ATOH8: variants seen among roughly 807,000 people sequenced by gnomAD.
ATOH8 encodes the protein transcription factor ATOH8.
In ATOH8, 9 loss-of-function variants were observed where a neutral mutation model predicts 21.2. The ratio of observed to expected loss-of-function variants is 0.42; its 90% CI spans 0.26 to 0.74. The LOEUF (loss-of-function observed/expected upper bound fraction) is 0.74, where lower values mean the gene tolerates loss of function less well. Ranked by LOEUF, ATOH8 falls within the 30% of genes least tolerant of loss-of-function variation. The probability of loss-of-function intolerance (pLI) is 0.24; values close to 1 mark genes in which losing one functional copy is unlikely to be tolerated. For synonymous variants in ATOH8, 253 were observed against 224.0 expected (o/e 1.13, Z -1.16); for missense variants, 524 against 470.9 (o/e 1.11, Z -1.04).
At position 85,754,606 on chromosome 2, in the gene ATOH8, C is replaced by A; in HGVS notation, c.417C>A (p.Gly139=). The A allele has an allele frequency of 6.7e-7, 1 of 1,486,356 alleles. No homozygotes were observed. Among genetic ancestry groups the A allele is most frequent in the Non-Finnish European group, 8.9e-7 (1 of 1,125,716 alleles). The allele number at this position is 1,486,356 out of a possible 1,614,324, so 92.1% of individuals were successfully genotyped here. A position where few individuals can be genotyped will look rare whatever the true frequency, so the allele number is the denominator to read the frequency against. Residue 139 remains glycine, a synonymous_variant, in exon 1 of 3, where the codon GGC becomes GGA. Transcript: ENST00000306279. ...PPAPQSQAPG[G]PEAQPFREPG... is the part of the protein sequence containing the mutation. ...CGCCCCAGAGCCAGGCACCTGGGGG[C>A]CCAGAGGCACAGCCTTTCCGGGAGC...
Position 85,787,237 on chromosome 2 carries a change from G to A in ATOH8, c.*347G>A, listed in dbSNP as rs1246657237. The stretch of plus-strand genomic sequence containing the variant: ...AAATGGGGTGGTGAAACCCCACAGC[G>A]AAAAGCCACACCGTTGCTCTGTGAC... On this transcript the variant is annotated 3_prime_UTR_variant, in exon 3 of 3. Coordinates refer to ENST00000306279, the MANE Select transcript of ATOH8 (RefSeq NM_032827.7). 3.3e-5 allele frequency: 11 copies of A among 337,582 alleles called. 1 individual carries two copies. The highest frequency in any genetic ancestry group is 6.8e-4 in the Middle Eastern group (2 of 2,924). 20.9% of individuals were successfully genotyped at this position (337,582 alleles called of 1,614,324 possible). A position where few individuals can be genotyped will look rare whatever the true frequency, so the allele number is the denominator to read the frequency against.
intron 2 of ATOH8, among the ~76,000 whole-genome samples, chr2:85,767,580 T>TCCCCTCCCCTCACCTCC (rs1680052547): frequency 1.3e-5 from 1 of 79,234 alleles, no homozygotes. Context: ...CCCTCCCCTC[T>TCCCCTCCCCTCACCTCC]CCTTCCCTTC....
intron 2 of ATOH8, among the ~76,000 whole-genome samples, chr2:85,767,562 T>TTCCCCTCCCCTTCCC (rs1558611921): frequency 1.5e-4 from 3 of 20,538 alleles, no homozygotes; most frequent in Non-Finnish European, 2.0e-4. Context: ...GTATTCCCTC[T>TTCCCCTCCCCTTCCC]TCCCCTCCCC....
chr2:85,791,077 C>A lies in ATOH8; in HGVS notation c.*4187C>A, dbSNP rs1190642916. On this transcript the variant is annotated 3_prime_UTR_variant, in exon 3 of 3. Coordinates refer to ENST00000306279, the MANE Select transcript of ATOH8 (RefSeq NM_032827.7). ...CACAGGGTCCCTGCTTTGTGAGGAG[C>A]AGCTGGCTTCTCCCTTTGCCCCCAG... Among the ~76,000 whole-genome samples, 2 of 152,202 alleles carry A rather than the reference C, an allele frequency of 1.3e-5. No individual in the cohort carries two copies. Among genetic ancestry groups the A allele is most frequent in the Admixed American group, 6.5e-5 (1 of 15,286 alleles).
intron 1 of ATOH8, among the ~76,000 whole-genome samples, chr2:85,758,404 G>A (rs1034435395): frequency 3.9e-5 from 6 of 152,190 alleles, no homozygotes; most frequent in African/African-American, 1.2e-4. Context: ...ACCTTGGCAC[G>A]CAGTTTGCCA....
intron 1 of ATOH8, among the ~76,000 whole-genome samples, chr2:85,758,007 G>T (rs1480187956): frequency 1.3e-5 from 2 of 151,952 alleles, no homozygotes; most frequent in South Asian, 4.2e-4. Flanking sequence ...GGCTGGCCTC[G>T]AACTCCTGGG....
In ATOH8 at chr2:85,756,202, C is replaced by T. The variant is rs551947804; in HGVS notation, c.768+1245C>T. ...GTGGGGTGGGGGTGGGGGTGGGGGACGGGTGGCTGTCACAGACCAGGCTGG... is the reference window on the plus strand; with the variant it reads ...GTGGGGTGGGGGTGGGGGTGGGGGATGGGTGGCTGTCACAGACCAGGCTGG... On this transcript the variant is annotated intron_variant, in intron 1 of 2. Transcript: ENST00000306279. Among the ~76,000 whole-genome samples the T allele has an allele frequency of 8.7e-3, 1,245 of 143,354 alleles. 9 individuals are homozygous for T. Among genetic ancestry groups the T allele is most frequent in the Non-Finnish European group, 0.014 (934 of 65,876 alleles). 94.0% of individuals were successfully genotyped at this position (143,354 alleles called of 152,430 possible). A position where few individuals can be genotyped will look rare whatever the true frequency, so the allele number is the denominator to read the frequency against.
chr2:85,778,322 G>A (rs891225732), intron 2 of ATOH8, among the ~76,000 whole-genome samples: 2 of 152,212 alleles, frequency 1.3e-5, no homozygotes, highest in East Asian at 1.9e-4. Flanking sequence ...GTGTGCGCGC[G>A]CGTGTGTGGC....
intron 2 of ATOH8, among the ~76,000 whole-genome samples, chr2:85,770,869 C>G (rs111315518): frequency 6.6e-6 from 1 of 152,274 alleles, no homozygotes; most frequent in Non-Finnish European, 1.5e-5. Flanking sequence ...CCCCAACACA[C>G]TGAGAATGAA....
chr2:85,780,885 A>G, intron 2 of ATOH8: 8 of 985,636 alleles, frequency 8.1e-6, no homozygotes, highest in Non-Finnish European at 9.6e-6. Flanking sequence ...CTGCTCATAA[A>G]TTTCCTGCCT....
At chr2:85,762,668 C>T (rs1254947118) in intron 1 of ATOH8, among the ~76,000 whole-genome samples, 1 of 152,088 alleles carries the variant, frequency 6.6e-6, no homozygotes, top group Non-Finnish European at 1.5e-5. Flanking sequence ...AAAGTGAGAT[C>T]AAAGTGGGCG....
rs1680653829 is a variant in ATOH8 at position 85,787,488 on chromosome 2, T to G, written c.*598T>G. 1 of 153,058 alleles carries G rather than the reference T, an allele frequency of 6.5e-6. No individual in the cohort carries two copies. Among genetic ancestry groups the G allele is most frequent in the Non-Finnish European group, 1.5e-5 (1 of 68,376 alleles). The allele number at this position is 153,058 out of a possible 1,614,324, so 9.5% of individuals were successfully genotyped here. On this transcript the variant is annotated 3_prime_UTR_variant, in exon 3 of 3. Coordinates refer to ENST00000306279, the MANE Select transcript of ATOH8 (RefSeq NM_032827.7). ...CCTGGGCGGGGCTGGGAGTGGGACC[T>G]GAGATCCCTGCCCACTCTCTCCCCT...
intron 2 of ATOH8, among the ~76,000 whole-genome samples, chr2:85,775,578 G>T (rs534684165): frequency 1.3e-5 from 2 of 152,318 alleles, no homozygotes; most frequent in South Asian, 4.1e-4. Flanking sequence ...GGCTTCTTTT[G>T]ATCTTTGCCT....
chr2:85,767,287 A>G (rs1364360462), intron 2 of ATOH8, among the ~76,000 whole-genome samples: 1 of 152,102 alleles, frequency 6.6e-6, no homozygotes, highest in Non-Finnish European at 1.5e-5. Flanking sequence ...GCAAAGGTCT[A>G]CCAGTAGATT....
At chr2:85,767,668 C>T (rs1368435841) in intron 2 of ATOH8, among the ~76,000 whole-genome samples, 1 of 151,174 alleles carries the variant, frequency 6.6e-6, no homozygotes. Context: ...ACATAGTCCC[C>T]ACCATCATGC....
intron 1 of ATOH8, 114 bp from the exon 2 acceptor site, chr2:85,763,877 C>T: frequency 1.3e-6 from 1 of 793,836 alleles, no homozygotes; most frequent in Admixed American, 2.3e-5. Context: ...GTGCGTAGAG[C>T]AGATCATAAG....
chr2:85,763,821 C>CATGTGTGTGTGT (rs71405887), intron 1 of ATOH8, among the ~76,000 whole-genome samples, 170 bp from the exon 2 acceptor site: 19 of 143,768 alleles, frequency 1.3e-4, no homozygotes, highest in African/African-American at 4.9e-4. Context: ...GATGAGCTGA[C>CATGTGTGTGTGT]GTGTGTGTGT....
Position 85,754,660 on chromosome 2 carries a change from C to T in ATOH8, c.471C>T (p.Cys157=). The T allele has an allele frequency of 6.5e-7, 1 of 1,536,990 alleles. No individual in the cohort carries two copies. Among genetic ancestry groups the T allele is most frequent in the Admixed American group, 2.0e-5 (1 of 49,402 alleles). Residue 157 remains cysteine, a synonymous_variant, in exon 1 of 3, where the codon TGC becomes TGT. Coordinates refer to ENST00000306279, the MANE Select transcript of ATOH8 (RefSeq NM_032827.7). ...EPGLRPRILL[C]APPARPAPSA... The stretch of plus-strand genomic sequence containing the variant: ...GTCTGCGTCCTCGCATCTTGCTGTG[C>T]GCACCGCCCGCGCGCCCCGCGCCGT...
At chr2:85,765,632 C>T (rs182277279) in intron 2 of ATOH8, among the ~76,000 whole-genome samples, 367 of 152,282 alleles carry the variant, frequency 2.4e-3, no homozygotes, top group African/African-American at 8.5e-3. Flanking sequence ...GGCATTCAGG[C>T]GGTCCGGAGG....
Sources: allele counts gnomAD v4.1 joint callset (sites outside exome capture counted in the v4.1 genomes callset), GRCh38; gene constraint gnomAD v4.1.1; transcripts MANE v1.5; gene names NCBI Gene and HGNC (gene_info 2026-07-23, HGNC 2026-07-21).